FAM13A: variants seen among roughly 807,000 people sequenced by gnomAD.
FAM13A encodes the protein protein FAM13A.
FAM13A carries 76 observed loss-of-function variants against 129.6 expected under a neutral mutation model. The ratio of observed to expected loss-of-function variants is 0.59; its 90% CI spans 0.49 to 0.71. The LOEUF is 0.71. Among genes scored for constraint, FAM13A ranks in the 30% least tolerant of loss-of-function variants. The probability of loss-of-function intolerance (pLI) is 0.00; values close to 1 mark genes in which losing one functional copy is unlikely to be tolerated. For missense variants in FAM13A, 1,108 were observed against 1,249.3 expected (o/e 0.89, Z 1.70); for synonymous variants, 443 against 449.9 (o/e 0.98, Z 0.20).
At chr4:89,031,809 A>C (rs1314604182) in intron 1 of FAM13A, among the ~76,000 whole-genome samples, 4 of 152,196 alleles carry the variant, frequency 2.6e-5, no homozygotes, top group Non-Finnish European at 5.9e-5. Flanking sequence ...TAAAATCTGT[A>C]AGTATGACCT....
chr4:88,866,138 C>A (rs921299701), intron 6 of FAM13A, among the ~76,000 whole-genome samples: 11 of 152,010 alleles, frequency 7.2e-5, no homozygotes, highest in African/African-American at 2.7e-4. Context: ...ACCTCTGCCA[C>A]CTGGGTTCAA....
intron 5 of FAM13A, among the ~76,000 whole-genome samples, chr4:88,914,495 C>T (rs1749761290): frequency 6.6e-6 from 1 of 152,156 alleles, no homozygotes; most frequent in Admixed American, 6.6e-5. Flanking sequence ...TCCTGCCTTC[C>T]AGCATTTGCC....
At chr4:88,822,801 T>C (rs1293228465) in intron 7 of FAM13A, among the ~76,000 whole-genome samples, 1 of 152,200 alleles carries the variant, frequency 6.6e-6, no homozygotes, top group Non-Finnish European at 1.5e-5. Flanking sequence ...AAAATGTCAG[T>C]AAAAGAGCAG....
intron 14 of FAM13A, among the ~76,000 whole-genome samples, chr4:88,755,031 T>C (rs1034093094): frequency 3.3e-5 from 5 of 152,202 alleles, no homozygotes; most frequent in Admixed American, 3.3e-4. Context: ...ACAGTCGGGC[T>C]ATCATTAACG....
chr4:88,778,803 T>C (rs1397691711), intron 11 of FAM13A, among the ~76,000 whole-genome samples: 1 of 152,204 alleles, frequency 6.6e-6, no homozygotes, highest in African/African-American at 2.4e-5. Context: ...CTGCTTTCCA[T>C]TCCCTCTTTC....
chr4:88,946,445 C>A lies in FAM13A; in HGVS notation c.606-8204G>T, dbSNP rs1358667266. Among the ~76,000 whole-genome samples, 7 of 119,176 alleles carry A rather than the reference C, an allele frequency of 5.9e-5. No individual in the cohort carries two copies. The Admixed American group carries it at 6.1e-4, about 10-fold the overall frequency. 78.2% of individuals were successfully genotyped at this position (119,176 alleles called of 152,430 possible). A position where few individuals can be genotyped will look rare whatever the true frequency, so the allele number is the denominator to read the frequency against. On this transcript the variant is annotated intron_variant, in intron 4 of 23. Transcript: ENST00000264344. ...TTTTGGTGACACCAAAAACTTCATT[C>A]CCAACATGGTCTCTTTTATAGAATT...
At chr4:88,834,787 G>A (rs890575045) in intron 7 of FAM13A, among the ~76,000 whole-genome samples, 11 of 152,152 alleles carry the variant, frequency 7.2e-5, no homozygotes, top group Admixed American at 7.2e-4. Context: ...ACAGAATTTG[G>A]CCAAACCAAG....
At chr4:89,046,820 C>T (rs2149172587) in intron 1 of FAM13A, among the ~76,000 whole-genome samples, 1 of 152,110 alleles carries the variant, frequency 6.6e-6, no homozygotes, top group South Asian at 2.1e-4. Flanking sequence ...CACTGCACTC[C>T]AGTCTGGGTG....
chr4:88,752,793 A>G (rs1742896035), intron 14 of FAM13A, among the ~76,000 whole-genome samples: 1 of 152,220 alleles, frequency 6.6e-6, no homozygotes, highest in South Asian at 2.1e-4. Context: ...AGCTGCAGAA[A>G]ATGGAACTAT....
intron 22 of FAM13A, chr4:88,731,641 C>T: frequency 1.8e-6 from 1 of 553,082 alleles, no homozygotes; most frequent in East Asian, 3.0e-5. Context: ...GTTCCTGCTA[C>T]TTGGGAATTC....
In FAM13A at chr4:88,765,208, A is replaced by C. The variant is rs188777309; in HGVS notation, c.1578+2345T>G. 3.3e-4 allele frequency among the ~76,000 whole-genome samples: 50 copies of C among 151,590 alleles called. 1 individual carries two copies. The East Asian group carries it at 3.7e-3, about 11-fold the overall frequency. ...TTCTAACGGGAATAGTAGTCCTCCC[A>C]AAAAAAAATCACCTTTCCCCAAGAG... On this transcript the variant is annotated intron_variant, in intron 13 of 23. Coordinates refer to ENST00000264344, the MANE Select transcript of FAM13A (RefSeq NM_014883.4).
At chr4:89,005,870 A>G (rs540863123) in intron 3 of FAM13A, among the ~76,000 whole-genome samples, 2 of 151,894 alleles carry the variant, frequency 1.3e-5, no homozygotes, top group Non-Finnish European at 2.9e-5. Context: ...TTGTCTGTTT[A>G]CTCTGTTGAT....
At chr4:88,731,724 CGT>C in intron 22 of FAM13A, 1 of 518,356 alleles carries the variant, frequency 1.9e-6, no homozygotes, top group Non-Finnish European at 3.4e-6. Flanking sequence ...CTGTGCTCAG[CGT>C]GTGTTAAGTG....
At position 89,002,093 on chromosome 4, in the gene FAM13A, G is replaced by A. The variant is rs192021664; in HGVS notation, c.428-10943C>T. On this transcript the variant is annotated intron_variant, in intron 3 of 23. Transcript: ENST00000264344. Reference sequence around the variant, plus strand: ...GAATTTCCATTTAAAGAGACAGACCGATTATATGTGTTTATCTAGTCTTCC... The same window carrying A: ...GAATTTCCATTTAAAGAGACAGACCAATTATATGTGTTTATCTAGTCTTCC... Among the ~76,000 whole-genome samples, 133 of 147,986 alleles carry A rather than the reference G, an allele frequency of 9.0e-4. 2 individuals are homozygous for A. The South Asian group carries it at 0.013, about 14-fold the overall frequency.
chr4:88,972,448 C>A (rs982937371), intron 4 of FAM13A, among the ~76,000 whole-genome samples: 1 of 151,608 alleles, frequency 6.6e-6, no homozygotes, highest in Non-Finnish European at 1.5e-5. Context: ...ACTACAGGTG[C>A]GTGCCACCAC....
intron 6 of FAM13A, among the ~76,000 whole-genome samples, chr4:88,897,153 C>T (rs1369705295): frequency 6.6e-6 from 1 of 152,212 alleles, no homozygotes; most frequent in Non-Finnish European, 1.5e-5. Context: ...CTCCTAACAA[C>T]TATACTACGT....
At chr4:89,056,311 T>C (rs1310431219) in intron 1 of FAM13A, among the ~76,000 whole-genome samples, 1 of 152,200 alleles carries the variant, frequency 6.6e-6, no homozygotes, top group African/African-American at 2.4e-5. Context: ...TCATAAATTC[T>C]AAAAATTCTA....
At chr4:88,943,242 C>T (rs968710609) in intron 4 of FAM13A, among the ~76,000 whole-genome samples, 1 of 152,100 alleles carries the variant, frequency 6.6e-6, no homozygotes, top group Non-Finnish European at 1.5e-5. Context: ...TTTGAACATT[C>T]CAGAAGGGCT....
intron 3 of FAM13A, among the ~76,000 whole-genome samples, chr4:88,999,762 G>C (rs1013316790): frequency 2.0e-5 from 3 of 152,104 alleles, no homozygotes; most frequent in African/African-American, 7.2e-5. Context: ...CATTGTAAAA[G>C]GTTGATTATT....
Sources: allele counts gnomAD v4.1 joint callset (sites outside exome capture counted in the v4.1 genomes callset), GRCh38; gene constraint gnomAD v4.1.1; transcripts MANE v1.5; gene names NCBI Gene and HGNC (gene_info 2026-07-23, HGNC 2026-07-21).